PDE4D: variants seen among roughly 807,000 people sequenced by gnomAD.
PDE4D encodes the protein phosphodiesterase 4D.
A neutral mutation model predicts 87.4 loss-of-function variants in PDE4D; 24 were observed. The observed-to-expected ratio is 0.27, with a 90% CI of 0.20 to 0.39. PDE4D has a LOEUF of 0.39. Ranked by LOEUF, PDE4D falls within the 10% of genes least tolerant of loss-of-function variation. The pLI, the probability that PDE4D is intolerant of heterozygous loss-of-function variation, is 1.00. For synonymous variants in PDE4D, 384 were observed against 383.2 expected, an observed-to-expected ratio of 1.00 and a Z score of -0.02; for missense variants, 714 against 1,041.0, an observed-to-expected ratio of 0.69 and a Z score of 4.32.
At chr5:59,182,403 A>G (rs1741871226) in intron 4 of PDE4D, among the ~76,000 whole-genome samples, 1 of 151,832 alleles carries the variant, frequency 6.6e-6, no homozygotes, top group African/African-American at 2.4e-5. Flanking sequence ...CTGGGACTAC[A>G]GGTGCATGCC....
intron 1 of PDE4D, among the ~76,000 whole-genome samples, chr5:59,550,103 C>T (rs1162090712): frequency 6.6e-6 from 1 of 151,828 alleles, no homozygotes; most frequent in Non-Finnish European, 1.5e-5. Context: ...ACATGTTTTC[C>T]TTGAATGACT....
chr5:60,490,066 C>A (rs996057499), upstream of PDE4D: 2 of 152,212 alleles, frequency 1.3e-5, no homozygotes, highest in African/African-American at 4.8e-5. Flanking sequence ...TTTGTACATT[C>A]TCTGTGTCAA....
intron 3 of PDE4D, among the ~76,000 whole-genome samples, chr5:59,931,400 C>G (rs904301444): frequency 6.6e-6 from 1 of 152,246 alleles, no homozygotes; most frequent in African/African-American, 2.4e-5. Context: ...AACAGAATAC[C>G]TGAAACTTTC....
intron 1 of PDE4D, among the ~76,000 whole-genome samples, chr5:59,586,077 T>A (rs1349132012): frequency 1.3e-5 from 2 of 152,236 alleles, no homozygotes; most frequent in African/African-American, 2.4e-5. Flanking sequence ...GTTTTTTTCT[T>A]CCTCCATGAA....
intron 1 of PDE4D, among the ~76,000 whole-genome samples, chr5:59,826,194 A>G (rs1770301924): frequency 6.6e-6 from 1 of 152,132 alleles, no homozygotes; most frequent in Non-Finnish European, 1.5e-5. Context: ...CACTCCTTCA[A>G]GTTTGGGCCT....
intron 1 of PDE4D, among the ~76,000 whole-genome samples, chr5:60,297,246 C>T (rs1373214724): frequency 6.6e-6 from 1 of 152,100 alleles, no homozygotes; most frequent in African/African-American, 2.4e-5. Flanking sequence ...TTCATAGATA[C>T]TAAACCTTAC....
intron 2 of PDE4D, among the ~76,000 whole-genome samples, chr5:60,158,878 T>C (rs1782231177): frequency 6.6e-6 from 1 of 152,242 alleles, no homozygotes; most frequent in South Asian, 2.1e-4. Flanking sequence ...CAAGCTGTGC[T>C]AAATTTATTT....
chr5:60,514,681 CTT>C (rs1038040390), intron 1 of PDE4D, among the ~76,000 whole-genome samples: 1 of 151,866 alleles, frequency 6.6e-6, no homozygotes, highest in Non-Finnish European at 1.5e-5. Context: ...GAAGAAAACT[CTT>C]TAAATGTAAT....
At chr5:59,193,975 T>A (rs1744893890) in intron 2 of PDE4D, among the ~76,000 whole-genome samples, 1 of 152,188 alleles carries the variant, frequency 6.6e-6, no homozygotes, top group Non-Finnish European at 1.5e-5. Flanking sequence ...TTCCACATCA[T>A]CCCGTGTAAG....
chr5:60,000,077 T>C (rs1763886095), intron 2 of PDE4D, among the ~76,000 whole-genome samples: 1 of 151,644 alleles, frequency 6.6e-6, no homozygotes, highest in South Asian at 2.1e-4. Flanking sequence ...GAAGAAAGAC[T>C]AAGAAACATA....
chr5:59,866,791 T>C (rs1489725751), intron 1 of PDE4D, among the ~76,000 whole-genome samples: 2 of 152,190 alleles, frequency 1.3e-5, no homozygotes, highest in Non-Finnish European at 2.9e-5. Flanking sequence ...GGATGTATGA[T>C]GGGCAAAGCT....
chr5:59,136,671 T>C (rs1777128594), intron 5 of PDE4D, among the ~76,000 whole-genome samples: 1 of 152,140 alleles, frequency 6.6e-6, no homozygotes, highest in Non-Finnish European at 1.5e-5. Context: ...TTGGAGGATA[T>C]GCAAGAAACT....
At chr5:60,281,150 G>T (rs1751858513) in intron 1 of PDE4D, among the ~76,000 whole-genome samples, 1 of 150,252 alleles carries the variant, frequency 6.7e-6, no homozygotes, top group African/African-American at 2.5e-5. Flanking sequence ...AGCAGACTTC[G>T]CTGTTAGATA....
At chr5:59,207,700 C>T (rs1335276941) in intron 2 of PDE4D, among the ~76,000 whole-genome samples, 1 of 151,058 alleles carries the variant, frequency 6.6e-6, no homozygotes, top group African/African-American at 2.5e-5. Flanking sequence ...CTTCTCCCTG[C>T]ATTTTTTTTT....
chr5:59,292,886 G>A (rs1029554708), intron 1 of PDE4D, among the ~76,000 whole-genome samples: 2 of 152,134 alleles, frequency 1.3e-5, no homozygotes, highest in Non-Finnish European at 1.5e-5. Flanking sequence ...ATTCATGCAA[G>A]GAGATGTATT....
intron 11 of PDE4D, among the ~76,000 whole-genome samples, chr5:58,980,077 A>T (rs778455944): frequency 1.3e-5 from 2 of 152,226 alleles, no homozygotes; most frequent in Non-Finnish European, 2.9e-5. Flanking sequence ...TCTTTTAGGA[A>T]GATACTGTTG....
At chr5:59,978,850 T>C (rs919436794) in intron 3 of PDE4D, among the ~76,000 whole-genome samples, 4 of 152,136 alleles carry the variant, frequency 2.6e-5, no homozygotes, top group Non-Finnish European at 4.4e-5. Flanking sequence ...GTCATGAACA[T>C]TGAGGCAAGA....
rs1743104706 is a variant in PDE4D at position 58,973,896 on chromosome 5, T to C, written c.*768A>G. The C allele has an allele frequency of 6.6e-6, 1 of 152,660 alleles. No homozygotes were observed. Among genetic ancestry groups the C allele is most frequent in the African/African-American group, 2.4e-5 (1 of 41,464 alleles). 9.5% of individuals were successfully genotyped at this position (152,660 alleles called of 1,614,324 possible). A position where few individuals can be genotyped will look rare whatever the true frequency, so the allele number is the denominator to read the frequency against. On this transcript the variant is annotated 3_prime_UTR_variant, in exon 15 of 15. Transcript: ENST00000340635. ...CAATGAATCACTACAAATCAGTTAA[T>C]TGCTATGAACTATAAGGTGCAAGTA... is the stretch of plus-strand genomic sequence containing the variant.
At chr5:59,112,132 A>G (rs941294684) in intron 5 of PDE4D, among the ~76,000 whole-genome samples, 1 of 152,118 alleles carries the variant, frequency 6.6e-6, no homozygotes, top group Non-Finnish European at 1.5e-5. Flanking sequence ...ACAAGCAAAG[A>G]CTTAAAGCAA....
Sources: gnomAD v4.1 joint callset for allele counts (sites outside exome capture counted in the v4.1 genomes callset) on GRCh38, gnomAD v4.1.1 for gene constraint, MANE v1.5 for transcripts, NCBI Gene and HGNC (gene_info 2026-07-23, HGNC 2026-07-21) for gene names.